AGAP1: variants seen among roughly 807,000 people sequenced by gnomAD.
AGAP1 encodes ArfGAP with GTPase domain, ankyrin repeat and PH domain 1.
Under a neutral mutation model 105.3 loss-of-function variants are expected in AGAP1, and 29 were observed. That is an observed-to-expected ratio of 0.28 (90% CI 0.21 to 0.38). AGAP1 has a LOEUF of 0.38. AGAP1 is among the 10% of genes least tolerant of loss of function. The pLI is 1.00. For missense variants in AGAP1, 998 were observed against 1,165.1 expected (o/e 0.86, Z 2.09); for synonymous variants, 509 against 485.9 (o/e 1.05, Z -0.63).
chr2:235,696,426 C>T (rs1466966735), intron 1 of AGAP1, among the ~76,000 whole-genome samples: 1 of 152,156 alleles, frequency 6.6e-6, no homozygotes, highest in Admixed American at 6.5e-5. Flanking sequence ...GTGTGAGGTC[C>T]CAGGGTGCAC....
chr2:236,129,836 A>C lies in AGAP1; in HGVS notation c.*5714A>C, dbSNP rs555950120. ...AAATCTTTGAGTTGTATGAGAAAGT[A>C]TTTAAGTTCACCAGTGTAGTAAACA... On this transcript the variant is annotated 3_prime_UTR_variant, in exon 18 of 18. Transcript: ENST00000304032. The surrounding 1 kb of genome is among the most constrained non-coding windows in gnomAD (Gnocchi z 6.2). The C allele has an allele frequency of 6.6e-6, 1 of 152,352 alleles. No individual in the cohort carries two copies. The highest frequency in any genetic ancestry group is 6.5e-5 in the Admixed American group (1 of 15,304). The allele number at this position is 152,352 out of a possible 1,614,324, so 9.4% of individuals were successfully genotyped here.
chr2:236,088,774 CTG>C (rs1200488786), intron 16 of AGAP1, among the ~76,000 whole-genome samples: 1 of 152,214 alleles, frequency 6.6e-6, no homozygotes, highest in Admixed American at 6.5e-5. Flanking sequence ...AATTGTAGCC[CTG>C]TCCCCATTGT....
rs1156862166 is a variant in AGAP1 at position 235,721,815 on chromosome 2, G to A, written c.310+4171G>A. Among the ~76,000 whole-genome samples, 1 of 152,102 alleles carries A rather than the reference G, an allele frequency of 6.6e-6. No individual in the cohort carries two copies. The highest frequency in any genetic ancestry group is 1.5e-5 in the Non-Finnish European group (1 of 68,012). On this transcript the variant is annotated intron_variant, in intron 3 of 17. Coordinates refer to ENST00000304032, the MANE Select transcript of AGAP1 (RefSeq NM_001037131.3). This position sits in a 1 kb window ranked among gnomAD's most constrained non-coding sequence, Gnocchi z 4.5. ...GTCTTCAGGGGAGAGCTCTCTTGTGGTAGAAACATTTCTGGTGCAGAGCCG... is the reference window on the plus strand; with the variant it reads ...GTCTTCAGGGGAGAGCTCTCTTGTGATAGAAACATTTCTGGTGCAGAGCCG...
At position 235,968,704 on chromosome 2, in the gene AGAP1, A is replaced by G. The variant is rs1247872577; in HGVS notation, c.1645+81A>G. The G allele has an allele frequency of 2.9e-6, 4 of 1,392,886 alleles. No individual in the cohort carries two copies. In the East Asian group the frequency reaches 9.6e-5, roughly 34 times the overall value. 86.3% of individuals were successfully genotyped at this position (1,392,886 alleles called of 1,614,324 possible). A position where few individuals can be genotyped will look rare whatever the true frequency, so the allele number is the denominator to read the frequency against. ...ATTTTTCAAATGCGTGAAATTAGAC[A>G]CCCTTAGCACAACAAATGCACAGTA... is the stretch of plus-strand genomic sequence containing the variant. On this transcript the variant is annotated intron_variant, in intron 13 of 17. Coordinates refer to ENST00000304032, the MANE Select transcript of AGAP1 (RefSeq NM_001037131.3).
intron 1 of AGAP1, among the ~76,000 whole-genome samples, chr2:235,687,612 A>G (rs1359702699): frequency 3.9e-5 from 6 of 152,250 alleles, no homozygotes; most frequent in African/African-American, 1.4e-4. Context: ...CATGAGGACC[A>G]GTGTTTGAAA....
rs2051270628 is a variant in AGAP1, at chr2:235,905,672, T to C, written c.1156-3066T>C. On this transcript the variant is annotated intron_variant, in intron 10 of 17. Coordinates refer to ENST00000304032, the MANE Select transcript of AGAP1 (RefSeq NM_001037131.3). This position sits in a 1 kb window ranked among gnomAD's most constrained non-coding sequence, Gnocchi z 4.2. ...ACGCCACCACACCTGGCTAATTTTG[T>C]ATTTTTAGTAGAGCAGGCATTTCAC... Among the ~76,000 whole-genome samples the C allele has an allele frequency of 6.6e-6, 1 of 152,268 alleles. No homozygotes were observed. The highest frequency in any genetic ancestry group is 2.1e-4 in the South Asian group (1 of 4,824).
At chr2:235,684,818 T>G (rs1949291910) in intron 1 of AGAP1, among the ~76,000 whole-genome samples, 1 of 152,150 alleles carries the variant, frequency 6.6e-6, no homozygotes, top group African/African-American at 2.4e-5. Flanking sequence ...TTTCAGAGAT[T>G]AGGAATTGTG....
At position 235,555,315 on chromosome 2, in the gene AGAP1, G is replaced by C. The variant is rs1399397552; in HGVS notation, c.163+60466G>C. On this transcript the variant is annotated intron_variant, in intron 1 of 17. Coordinates refer to ENST00000304032, the MANE Select transcript of AGAP1 (RefSeq NM_001037131.3). This position sits in a 1 kb window ranked among gnomAD's most constrained non-coding sequence, Gnocchi z 5.1. ...TCGTTGGTCTCCATTTCTAGTGTCT[G>C]AGTAAAGGCAGTCCCCAGTCCAGTC... is the stretch of plus-strand genomic sequence containing the variant. 1.3e-5 allele frequency among the ~76,000 whole-genome samples: 2 copies of C among 152,164 alleles called. No individual in the cohort carries two copies. Among genetic ancestry groups the C allele is most frequent in the African/African-American group, 4.8e-5 (2 of 41,440 alleles).
intron 1 of AGAP1, among the ~76,000 whole-genome samples, chr2:235,568,406 C>T (rs1026404164): frequency 6.6e-6 from 1 of 152,172 alleles, no homozygotes; most frequent in African/African-American, 2.4e-5. Flanking sequence ...CAGAGTTTTT[C>T]TCCGTTTTAT....
intron 11 of AGAP1, among the ~76,000 whole-genome samples, chr2:235,926,101 C>G (rs2052433136): frequency 6.6e-6 from 1 of 152,146 alleles, no homozygotes. Context: ...GCTTACATAA[C>G]AAAACTGGAT....
At chr2:235,581,493 T>A (rs1944932367) in intron 1 of AGAP1, among the ~76,000 whole-genome samples, 1 of 150,136 alleles carries the variant, frequency 6.7e-6, no homozygotes, top group South Asian at 2.1e-4. Context: ...CTGGTGGAAA[T>A]ATATTCCAGG....
chr2:236,054,084 A>G (rs761539224), intron 16 of AGAP1, among the ~76,000 whole-genome samples: 10 of 152,212 alleles, frequency 6.6e-5, no homozygotes, highest in South Asian at 2.1e-4. Flanking sequence ...AGATGGAACA[A>G]GTCTGCCCAG....
rs1947732560 is a variant in AGAP1 at position 235,655,126 on chromosome 2, G to A, written c.164-54053G>A. On this transcript the variant is annotated intron_variant, in intron 1 of 17. Transcript: ENST00000304032. This position sits in a 1 kb window ranked among gnomAD's most constrained non-coding sequence, Gnocchi z 4.3. The stretch of plus-strand genomic sequence containing the variant: ...AGAAACCTTTGTGCATTTGACACAA[G>A]GTCAGCATAGATTTAACAGGAGACA... Among the ~76,000 whole-genome samples, 1 of 151,082 alleles carries A rather than the reference G, an allele frequency of 6.6e-6. No homozygotes were observed. The highest frequency in any genetic ancestry group is 6.6e-5 in the Admixed American group (1 of 15,192).
At chr2:235,772,756 C>T (rs761439579) in intron 6 of AGAP1, among the ~76,000 whole-genome samples, 6 of 152,228 alleles carry the variant, frequency 3.9e-5, no homozygotes, top group Non-Finnish European at 8.8e-5. Context: ...CTGTGACCAG[C>T]CTTCACATGG....
chr2:235,994,928 G>A lies in AGAP1; in HGVS notation c.1645+26305G>A, dbSNP rs187812477. On this transcript the variant is annotated intron_variant, in intron 13 of 17. Transcript: ENST00000304032. The surrounding 1 kb of genome is among the most constrained non-coding windows in gnomAD (Gnocchi z 4.4). Reference sequence around the variant, plus strand: ...AAAAATACAAAAACATTAGCCAAGCGTGGTGGTAGGCGCCTGTAATCGCAG... The same window carrying A: ...AAAAATACAAAAACATTAGCCAAGCATGGTGGTAGGCGCCTGTAATCGCAG... 3.0e-3 allele frequency among the ~76,000 whole-genome samples: 449 copies of A among 151,030 alleles called. 1 individual carries two copies. The highest frequency in any genetic ancestry group is 4.9e-3 in the Non-Finnish European group (331 of 67,720).
chr2:235,750,395 A>G lies in AGAP1; in HGVS notation c.580A>G (p.Arg194Gly). 6.2e-7 allele frequency: 1 copy of G among 1,614,214 alleles called. No individual in the cohort carries two copies. Among genetic ancestry groups the G allele is most frequent in the Non-Finnish European group, 8.5e-7 (1 of 1,180,036 alleles). Residue 194 changes from arginine (R) to glycine (G), a missense_variant, in exon 6 of 18, where the codon AGG becomes GGG. Around this residue, in one of 3 missense-constraint regions of AGAP1, gnomAD observed 735 missense variants for 833.4 expected, o/e 0.88. Coordinates refer to ENST00000304032, the MANE Select transcript of AGAP1 (RefSeq NM_001037131.3). This position sits in a 1 kb window ranked among gnomAD's most constrained non-coding sequence, Gnocchi z 5.3. Reference protein sequence around the residue: ...SANPRVIDDARARKLSNDLKR... With the variant: ...SANPRVIDDAGARKLSNDLKR... ...TAACCCGAGGGTCATCGATGACGCC[A>G]GGGCGAGGAAGCTCTCCAACGACCT...
chr2:235,680,363 G>A (rs1167738018), intron 1 of AGAP1, among the ~76,000 whole-genome samples: 1 of 152,162 alleles, frequency 6.6e-6, no homozygotes, highest in East Asian at 1.9e-4. Context: ...AGGGGTTTGA[G>A]TGTGAATGCT....
chr2:236,104,364 C>T lies in AGAP1; in HGVS notation c.2115-15828C>T, dbSNP rs373874686. ...TGCACGGGGCTGAGAAGTCCCCCAG[C>T]GGTGCTCCTAGACAGGTGGAGACCT... On this transcript the variant is annotated intron_variant, in intron 16 of 17. Coordinates refer to ENST00000304032, the MANE Select transcript of AGAP1 (RefSeq NM_001037131.3). This position sits in a 1 kb window ranked among gnomAD's most constrained non-coding sequence, Gnocchi z 4.7. 5.3e-5 allele frequency among the ~76,000 whole-genome samples: 8 copies of T among 152,356 alleles called. 1 individual carries two copies. The South Asian group carries it at 1.4e-3, about 28-fold the overall frequency.
chr2:235,989,061 T>C lies in AGAP1; in HGVS notation c.1645+20438T>C, dbSNP rs1336972345. ...GTTTTTCTGTTCTTCAGAGTTTGCA[T>C]CCCCTGAGAATTCCTCTCCTGTGTC... On this transcript the variant is annotated intron_variant, in intron 13 of 17. Coordinates refer to ENST00000304032, the MANE Select transcript of AGAP1 (RefSeq NM_001037131.3). The surrounding 1 kb of genome is among the most constrained non-coding windows in gnomAD (Gnocchi z 4.4). 6.6e-6 allele frequency among the ~76,000 whole-genome samples: 1 copy of C among 152,172 alleles called. No homozygotes were observed. Among genetic ancestry groups the C allele is most frequent in the African/African-American group, 2.4e-5 (1 of 41,448 alleles).
Sources: gnomAD v4.1 joint callset for allele counts (sites outside exome capture counted in the v4.1 genomes callset) on GRCh38, gnomAD v4.1.1 for gene constraint, gnomAD v4.1.1 regional missense constraint, Gnocchi (gnomAD v3.1) non-coding constraint, MANE v1.5 for transcripts, NCBI Gene and HGNC (gene_info 2026-07-23, HGNC 2026-07-21) for gene names.